The following ELMO1 variants were observed in gnomAD, a reference collection of about 807,000 sequenced individuals.
The protein encoded by ELMO1 is engulfment and cell motility 1.
Under a neutral mutation model 98.9 loss-of-function variants are expected in ELMO1, and 26 were observed. That is an observed-to-expected ratio of 0.26 (90% CI 0.19 to 0.36). The LOEUF (loss-of-function observed/expected upper bound fraction) is 0.36. Among genes scored for constraint, ELMO1 ranks in the 10% least tolerant of loss-of-function variants. The probability of loss-of-function intolerance (pLI) is 1.00; values close to 1 mark genes in which losing one functional copy is unlikely to be tolerated. For missense variants in ELMO1, 627 were observed against 935.2 expected (o/e 0.67, Z 4.30); for synonymous variants, 346 against 346.0 (o/e 1.00, Z 0.00).
rs563541399 is a variant in ELMO1, at chr7:37,113,845, C to A, written c.1192-17118G>T. Among the ~76,000 whole-genome samples, 31 of 152,280 alleles carry A rather than the reference C, an allele frequency of 2.0e-4. 2 individuals are homozygous for A. In the South Asian group the frequency reaches 6.2e-3, roughly 31 times the overall value. ...ACAGAAGGATGGCCATGTGGAGAGG[C>A]AGCAAGAGGGCAGCCGTTTACAAGC... On this transcript the variant is annotated intron_variant, in intron 14 of 21. Coordinates refer to ENST00000310758, the MANE Select transcript of ELMO1 (RefSeq NM_014800.11).
intron 1 of ELMO1, among the ~76,000 whole-genome samples, chr7:37,374,618 GCACGCAC>G (rs1231618687): frequency 1.3e-5 from 2 of 152,042 alleles, no homozygotes; most frequent in Non-Finnish European, 2.9e-5. Flanking sequence ...AGGTGTGGTG[GCACGCAC>G]CTGTAGTCCC....
At chr7:37,317,460 T>G (rs1240191626) in intron 2 of ELMO1, among the ~76,000 whole-genome samples, 2 of 152,164 alleles carry the variant, frequency 1.3e-5, no homozygotes, top group African/African-American at 2.4e-5. Flanking sequence ...AAAGAAAATG[T>G]GGAACATATA....
chr7:37,279,088 G>T (rs1261265008), intron 4 of ELMO1, among the ~76,000 whole-genome samples: 1 of 152,146 alleles, frequency 6.6e-6, no homozygotes, highest in Non-Finnish European at 1.5e-5. Flanking sequence ...TGTAATCCCA[G>T]CTACTCAGGA....
Position 37,013,432 on chromosome 7 carries a change from C to G in ELMO1, c.1304G>C (p.Ser435Thr). 6.2e-7 allele frequency: 1 copy of G among 1,613,822 alleles called. No homozygotes were observed. The highest frequency in any genetic ancestry group is 8.5e-7 in the Non-Finnish European group (1 of 1,179,872). The change falls in exon 16 of 22, where the codon AGT becomes ACT. Residue 435 changes from serine (S) to threonine (T), a missense_variant. Around this residue, in one of 3 missense-constraint regions of ELMO1, gnomAD observed 492 missense variants for 715.6 expected, o/e 0.69. Coordinates refer to ENST00000310758, the MANE Select transcript of ELMO1 (RefSeq NM_014800.11). ...CEILKVGELP[S>T]ETCNDFHPMF... is the part of the protein sequence containing the mutation. ...CGGGTGGAAGTCGTTGCAGGTCTCA[C>G]TAGCTGGAGGAAAGAGATGGAAAAT... is the stretch of plus-strand genomic sequence containing the variant.
chr7:37,110,985 C>T (rs906895021), intron 14 of ELMO1, among the ~76,000 whole-genome samples: 7 of 152,190 alleles, frequency 4.6e-5, no homozygotes, highest in African/African-American at 1.7e-4. Context: ...ATTCTGAATT[C>T]AGAAAAGACT....
chr7:37,202,222 T>A (rs1792337426), intron 13 of ELMO1, among the ~76,000 whole-genome samples: 1 of 152,250 alleles, frequency 6.6e-6, no homozygotes, highest in Non-Finnish European at 1.5e-5. Flanking sequence ...TGTTTCAGAA[T>A]ACTATCCCAG....
At chr7:36,959,746 T>C (rs1788783874) in intron 16 of ELMO1, among the ~76,000 whole-genome samples, 1 of 152,240 alleles carries the variant, frequency 6.6e-6, no homozygotes, top group African/African-American at 2.4e-5. Context: ...AGTGGCGTGA[T>C]CTCGGCTCAC....
chr7:37,026,421 G>A (rs1794582114), intron 15 of ELMO1, among the ~76,000 whole-genome samples: 1 of 152,134 alleles, frequency 6.6e-6, no homozygotes, highest in Non-Finnish European at 1.5e-5. Flanking sequence ...AAATGCCAAG[G>A]ATTGCTCATT....
intron 1 of ELMO1, among the ~76,000 whole-genome samples, chr7:37,384,039 T>A (rs112698206): frequency 0.079 from 11,990 of 152,170 alleles, 605 homozygotes; most frequent in Middle Eastern, 0.12. Context: ...ATGGTCTCGA[T>A]CTCCTGACCT....
chr7:37,169,096 G>T (rs1401157359), intron 13 of ELMO1, among the ~76,000 whole-genome samples: 2 of 152,194 alleles, frequency 1.3e-5, no homozygotes, highest in South Asian at 2.1e-4. Flanking sequence ...ATCTCAGACT[G>T]CTGTGCTAGC....
At chr7:37,091,492 G>A (rs925534120) in intron 15 of ELMO1, among the ~76,000 whole-genome samples, 1 of 152,086 alleles carries the variant, frequency 6.6e-6, no homozygotes, top group Non-Finnish European at 1.5e-5. Flanking sequence ...GCTAGGAGCT[G>A]GGCATCTTCT....
At chr7:37,102,560 T>C (rs1234486114) in intron 14 of ELMO1, among the ~76,000 whole-genome samples, 7 of 152,196 alleles carry the variant, frequency 4.6e-5, no homozygotes, top group South Asian at 2.1e-4. Context: ...AGGGATGCCA[T>C]CAAGATGGCA....
chr7:37,403,952 T>C (rs1212411561), intron 1 of ELMO1, among the ~76,000 whole-genome samples: 1 of 152,148 alleles, frequency 6.6e-6, no homozygotes, highest in Admixed American at 6.5e-5. Flanking sequence ...TTATAACAAA[T>C]GTACCACACT....
rs1399396934 is a variant in ELMO1, at chr7:37,200,992, T to C, written c.1086+10394A>G. On this transcript the variant is annotated intron_variant, in intron 13 of 21. Transcript: ENST00000310758. ...AAAAATAAATTCCCCTTAATATTTT[T>C]AGGAGTGAGGAAAGAAAAGTTAGAG... Among the ~76,000 whole-genome samples the C allele has an allele frequency of 2.6e-5, 4 of 151,938 alleles. No homozygotes were observed. The South Asian group carries it at 8.3e-4, about 32-fold the overall frequency.
intron 1 of ELMO1, among the ~76,000 whole-genome samples, chr7:37,435,814 CTCT>C (rs950375984): frequency 5.8e-4 from 88 of 152,322 alleles, no homozygotes; most frequent in African/African-American, 2.1e-3. Context: ...CTATTACACG[CTCT>C]TCTCTCTACC....
At chr7:36,894,769 C>T in intron 17 of ELMO1, 85 bp downstream of exon 17, 2 of 1,561,334 alleles carry the variant, frequency 1.3e-6, no homozygotes, top group Non-Finnish European at 8.8e-7. Context: ...GCTCACAACA[C>T]AGCCCAGCTT....
chr7:37,250,278 A>G (rs1199060329), intron 6 of ELMO1, among the ~76,000 whole-genome samples: 1 of 152,202 alleles, frequency 6.6e-6, no homozygotes, highest in Non-Finnish European at 1.5e-5. Flanking sequence ...AATAATATTT[A>G]ATCACATGGA....
intron 1 of ELMO1, among the ~76,000 whole-genome samples, chr7:37,411,027 T>A (rs913596451): frequency 6.6e-6 from 1 of 152,170 alleles, no homozygotes; most frequent in African/African-American, 2.4e-5. Context: ...ACTTACACAT[T>A]TTCATAATAA....
At chr7:36,987,646 C>T (rs1177087631) in intron 16 of ELMO1, among the ~76,000 whole-genome samples, 1 of 152,170 alleles carries the variant, frequency 6.6e-6, no homozygotes, top group Non-Finnish European at 1.5e-5. Flanking sequence ...TGAAGCCAAG[C>T]TGAACTATCC....
Sources: gnomAD v4.1 joint callset for allele counts (sites outside exome capture counted in the v4.1 genomes callset) on GRCh38, gnomAD v4.1.1 for gene constraint, gnomAD v4.1.1 regional missense constraint, MANE v1.5 for transcripts, NCBI Gene and HGNC (gene_info 2026-07-23, HGNC 2026-07-21) for gene names.